Variants in PTGER2 observed in about 807,000 individuals in gnomAD.
PTGER2 encodes prostaglandin E2 receptor EP2 subtype.
A neutral mutation model predicts 26.2 loss-of-function variants in PTGER2; 22 were observed. The observed-to-expected ratio is 0.84, with a 90% CI of 0.60 to 1.20. The LOEUF (loss-of-function observed/expected upper bound fraction) is 1.20, where lower values mean the gene tolerates loss of function less well. Ranked by LOEUF, PTGER2 falls within the 50% of genes most tolerant of loss-of-function variation. The pLI, the probability that PTGER2 is intolerant of heterozygous loss-of-function variation, is 0.00. For missense variants in PTGER2, 458 were observed against 475.2 expected, an observed-to-expected ratio of 0.96 and a Z score of 0.34; for synonymous variants, 219 against 208.9, an observed-to-expected ratio of 1.05 and a Z score of -0.42.
At chr14:52,318,973 C>G (rs573798022) in intron 1 of PTGER2, among the ~76,000 whole-genome samples, 1 of 152,202 alleles carries the variant, frequency 6.6e-6, no homozygotes, top group African/African-American at 2.4e-5. Context: ...ACAGACGAGG[C>G]AAATGACTCA....
rs2033968689 is a variant in PTGER2, at chr14:52,327,866, T to C, written c.*412T>C. The C allele has an allele frequency of 6.4e-6, 1 of 157,160 alleles. No homozygotes were observed. Among genetic ancestry groups the C allele is most frequent in the African/African-American group, 2.4e-5 (1 of 41,576 alleles). 9.7% of individuals were successfully genotyped at this position (157,160 alleles called of 1,614,324 possible). A position where few individuals can be genotyped will look rare whatever the true frequency, so the allele number is the denominator to read the frequency against. ...TACAGCCAGACCAGATTAAACTTCATATGTAATCTCTAGGAAGTCAATATG... is the reference window on the plus strand; with the variant it reads ...TACAGCCAGACCAGATTAAACTTCACATGTAATCTCTAGGAAGTCAATATG... On this transcript the variant is annotated 3_prime_UTR_variant, in exon 2 of 2. Transcript: ENST00000245457.
At position 52,318,101 on chromosome 14, in the gene PTGER2, C is replaced by CA. The variant is rs549748401; in HGVS notation, c.843+2711dup. On this transcript the variant is annotated intron_variant, in intron 1 of 1. Transcript: ENST00000245457. Reference sequence around the variant, plus strand: ...GTTCAGAATCCTTGGCATGTGCCTCCAGGGGAGGTTGCTTTTTCCTCCAAG... The same window carrying CA: ...GTTCAGAATCCTTGGCATGTGCCTCCAAGGGGAGGTTGCTTTTTCCTCCAAG... Among the ~76,000 whole-genome samples the CA allele has an allele frequency of 2.4e-4, 37 of 152,324 alleles. No homozygotes were observed. In the South Asian group the frequency reaches 7.2e-3, roughly 30 times the overall value.
chr14:52,325,266 CA>C (rs33962330), intron 1 of PTGER2, among the ~76,000 whole-genome samples: 118,052 of 152,080 alleles, frequency 0.78, 46,821 homozygotes, highest in Non-Finnish European at 0.87. Context: ...TCATCCTCTA[CA>C]ACCAATTTTC....
chr14:52,315,944 T>G (rs2033836672), intron 1 of PTGER2, among the ~76,000 whole-genome samples: 1 of 152,262 alleles, frequency 6.6e-6, no homozygotes, highest in South Asian at 2.1e-4. Context: ...AGCAGAAGTT[T>G]AGAGCATTTG....
rs751056322 is a variant in PTGER2 at position 52,314,859 on chromosome 14, C to T, written c.311C>T (p.Pro104Leu). The T allele has an allele frequency of 1.9e-6, 3 of 1,612,974 alleles. No individual in the cohort carries two copies. The highest frequency in any genetic ancestry group is 2.7e-5 in the African/African-American group (2 of 74,930). The change falls in exon 1 of 2, where the codon CCC becomes CTC. Residue 104 changes from proline to leucine, a missense_variant. Coordinates refer to ENST00000245457, the MANE Select transcript of PTGER2 (RefSeq NM_000956.4). This position sits in a 1 kb window ranked among gnomAD's most constrained non-coding sequence, Gnocchi z 5.7. ...ARNQTLVALA[P>L]ESRACTYFAF... ...AACCAGACCCTGGTGGCACTGGCGC[C>T]CGAGAGCCGCGCGTGCACCTACTTC... is the stretch of plus-strand genomic sequence containing the variant.
At position 52,315,214 on chromosome 14, in the gene PTGER2, C is replaced by T. The variant is rs143806281; in HGVS notation, c.666C>T (p.Leu222=). ...LACNFSVILN[L]IRMHRRSRRS... is the part of the protein sequence containing the mutation. ...GCAACTTCAGTGTCATTCTCAACCT[C>T]ATCCGCATGCACCGCCGAAGCCGGA... The change falls in exon 1 of 2, where the codon CTC becomes CTT. Residue 222 remains leucine, a synonymous_variant. Coordinates refer to ENST00000245457, the MANE Select transcript of PTGER2 (RefSeq NM_000956.4). The T allele has an allele frequency of 1.3e-4, 210 of 1,611,224 alleles. 4 individuals carry two copies. In the Middle Eastern group the frequency reaches 3.8e-3, roughly 29 times the overall value.
chr14:52,315,378 C>G lies in PTGER2; in HGVS notation c.830C>G (p.Ser277Cys), dbSNP rs764341864. ...AIMTITFAVC[S>C]LPFTIFAYMN... ...ATGACCATCACCTTCGCCGTCTGCTCCTTGCCTTTCACGGTAAGTCACTCC... is the reference window on the plus strand; with the variant it reads ...ATGACCATCACCTTCGCCGTCTGCTGCTTGCCTTTCACGGTAAGTCACTCC... Residue 277 changes from serine to cysteine, a missense_variant, in exon 1 of 2, where the codon TCC (serine) becomes TGC (cysteine). Transcript: ENST00000245457. 2 of 1,613,124 alleles carry G rather than the reference C, an allele frequency of 1.2e-6. No homozygotes were observed. Among genetic ancestry groups the G allele is most frequent in the Non-Finnish European group, 1.7e-6 (2 of 1,180,012 alleles).
chr14:52,315,325 G>A lies in PTGER2; in HGVS notation c.777G>A (p.Glu259=). 2 of 1,613,352 alleles carry A rather than the reference G, an allele frequency of 1.2e-6. No individual in the cohort carries two copies. The highest frequency in any genetic ancestry group is 2.2e-5 in the East Asian group (1 of 44,754). The stretch of plus-strand genomic sequence containing the variant: ...GGGAAAGGGTGTCCATGGCGGAGGA[G>A]ACGGACCACCTCATTCTCCTGGCTA... ...RRGERVSMAE[E]TDHLILLAIM... Residue 259 remains glutamate (E), a synonymous_variant, in exon 1 of 2, where the codon GAG becomes GAA. Transcript: ENST00000245457.
At chr14:52,319,695 G>T (rs2033876270) in intron 1 of PTGER2, among the ~76,000 whole-genome samples, 1 of 152,070 alleles carries the variant, frequency 6.6e-6, no homozygotes, top group African/African-American at 2.4e-5. Context: ...CTCATATCAA[G>T]CCCCTTTCTC....
chr14:52,323,259 A>G (rs2033916644), intron 1 of PTGER2, among the ~76,000 whole-genome samples: 1 of 146,568 alleles, frequency 6.8e-6, no homozygotes, highest in Non-Finnish European at 1.5e-5. Flanking sequence ...GTATGTATGT[A>G]TGTATTTATT....
intron 1 of PTGER2, among the ~76,000 whole-genome samples, chr14:52,325,606 C>G (rs920829291): frequency 4.6e-5 from 7 of 152,216 alleles, no homozygotes; most frequent in African/African-American, 1.7e-4. Context: ...ACTCTTTTAA[C>G]ACACCAGCCT....
chr14:52,319,456 T>G (rs542129103), intron 1 of PTGER2, among the ~76,000 whole-genome samples: 2 of 152,366 alleles, frequency 1.3e-5, no homozygotes, highest in Admixed American at 6.5e-5. Flanking sequence ...GAAATGACAT[T>G]ATTTTGGCTG....
intron 1 of PTGER2, among the ~76,000 whole-genome samples, chr14:52,315,996 T>C (rs1158313886): frequency 6.6e-6 from 1 of 152,238 alleles, no homozygotes; most frequent in Non-Finnish European, 1.5e-5. Flanking sequence ...GTTTATAGGT[T>C]TCCCAATTTA....
chr14:52,316,330 C>A (rs755094463), intron 1 of PTGER2, among the ~76,000 whole-genome samples: 1 of 152,220 alleles, frequency 6.6e-6, no homozygotes, highest in East Asian at 1.9e-4. Flanking sequence ...TGCTAACTAA[C>A]TGCTAAATGA....
intron 1 of PTGER2, among the ~76,000 whole-genome samples, chr14:52,323,079 A>G (rs1458047009): frequency 6.6e-6 from 1 of 152,180 alleles, no homozygotes; most frequent in Non-Finnish European, 1.5e-5. Context: ...AAGAAATTAT[A>G]AGAGTATTAT....
intron 1 of PTGER2, among the ~76,000 whole-genome samples, chr14:52,315,817 T>A (rs2033835552): frequency 6.6e-6 from 1 of 152,220 alleles, no homozygotes. Context: ...GTACCTCTCA[T>A]CCACTGGTGC....
chr14:52,315,288 C>T lies in PTGER2; in HGVS notation c.740C>T (p.Ala247Val), dbSNP rs772913445. Residue 247 changes from alanine to valine, a missense_variant, in exon 1 of 2, where the codon GCC becomes GTC. Ala to Val is a moderately conservative substitution (Grantham distance 64). Coordinates refer to ENST00000245457, the MANE Select transcript of PTGER2 (RefSeq NM_000956.4). ...SLGSGRGGPGARRRGERVSMA... is the reference protein window; with the variant it reads ...SLGSGRGGPGVRRRGERVSMA... Reference sequence around the variant, plus strand: ...GGCAGTGGCCGGGGCGGCCCCGGGGCCCGCAGGAGAGGGGAAAGGGTGTCC... The same window carrying T: ...GGCAGTGGCCGGGGCGGCCCCGGGGTCCGCAGGAGAGGGGAAAGGGTGTCC... The T allele has an allele frequency of 3.7e-6, 6 of 1,613,324 alleles. No homozygotes were observed. Among genetic ancestry groups the T allele is most frequent in the Non-Finnish European group, 5.1e-6 (6 of 1,179,874 alleles).
At chr14:52,324,609 A>C (rs976851862) in intron 1 of PTGER2, among the ~76,000 whole-genome samples, 1 of 152,236 alleles carries the variant, frequency 6.6e-6, no homozygotes, top group African/African-American at 2.4e-5. Flanking sequence ...AAATATAAAC[A>C]ATATGATTGC....
intron 1 of PTGER2, among the ~76,000 whole-genome samples, chr14:52,319,531 T>C (rs2140036624): frequency 6.6e-6 from 1 of 152,358 alleles, no homozygotes; most frequent in South Asian, 2.1e-4. Flanking sequence ...TAAAGGGATA[T>C]TGTATAAATT....
Sources: allele counts gnomAD v4.1 joint callset (sites outside exome capture counted in the v4.1 genomes callset), GRCh38; gene constraint gnomAD v4.1.1; non-coding constraint Gnocchi (gnomAD v3.1); transcripts MANE v1.5; gene names NCBI Gene and HGNC (gene_info 2026-07-23, HGNC 2026-07-21).